Variants in NLRP3 observed in about 807,000 individuals in gnomAD.
NLRP3 encodes the protein NLR family pyrin domain containing 3, also known as NACHT, LRR and PYD domains-containing protein 3.
Under a neutral mutation model 91.3 loss-of-function variants are expected in NLRP3, and 48 were observed. The ratio of observed to expected loss-of-function variants is 0.53; its 90% CI spans 0.42 to 0.67. NLRP3 has a LOEUF of 0.67. Among genes scored for constraint, NLRP3 ranks in the 30% least tolerant of loss-of-function variants. NLRP3 has a pLI of 0.00. For synonymous variants in NLRP3, 561 were observed against 507.9 expected (o/e 1.10, Z -1.41); for missense variants, 982 against 1,276.9 (o/e 0.77, Z 3.52).
At chr1:247,447,873 C>T (rs1481724867) in intron 9 of NLRP3, among the ~76,000 whole-genome samples, 1 of 152,162 alleles carries the variant, frequency 6.6e-6, no homozygotes, top group African/African-American at 2.4e-5. Flanking sequence ...AACAAGTTGA[C>T]ATGACCTGTT....
intron 2 of NLRP3, among the ~76,000 whole-genome samples, chr1:247,421,879 G>A (rs1403057637): frequency 3.3e-5 from 5 of 152,146 alleles, no homozygotes; most frequent in Admixed American, 6.5e-5. Flanking sequence ...TCCTACCTGA[G>A]TCCCAGTTAC....
chr1:247,421,322 C>T (rs963096556), intron 2 of NLRP3, among the ~76,000 whole-genome samples: 4 of 151,936 alleles, frequency 2.6e-5, no homozygotes, highest in South Asian at 2.1e-4. Context: ...AGTGTGCAGC[C>T]GGGGGAGGTC....
intron 5 of NLRP3, among the ~76,000 whole-genome samples, chr1:247,430,910 G>C (rs1253300683): frequency 6.6e-6 from 1 of 151,920 alleles, no homozygotes; most frequent in Non-Finnish European, 1.5e-5. Context: ...TGGGACTACA[G>C]GCATGCACCA....
chr1:247,423,248 T>C lies in NLRP3; in HGVS notation c.296T>C (p.Val99Ala). Residue 99 changes from valine (V) to alanine (A), a missense_variant, in exon 3 of 10, where the codon GTT becomes GCT. This residue lies in a region of NLRP3 where 548 missense variants were observed against 713.7 expected (regional missense o/e 0.77). Coordinates refer to ENST00000336119, the MANE Select transcript of NLRP3 (RefSeq NM_001243133.2). ...CTTTTAGGTTCAGATAATGCACGTG[T>C]TTCGAATCCCACTGTGATATGCCAG... ...EPKWGSDNARVSNPTVICQED... is the reference protein window; with the variant it reads ...EPKWGSDNARASNPTVICQED... 1 of 1,614,120 alleles carries C rather than the reference T, an allele frequency of 6.2e-7. No individual in the cohort carries two copies. Among genetic ancestry groups the C allele is most frequent in the Non-Finnish European group, 8.5e-7 (1 of 1,180,014 alleles).
chr1:247,419,141 T>A, intron 2 of NLRP3, 64 bp downstream of exon 2: 32 of 1,224,398 alleles, frequency 2.6e-5, no homozygotes, highest in Non-Finnish European at 3.4e-5. Flanking sequence ...CAATTTTCCA[T>A]CTTTATATAT....
At chr1:247,445,286 C>T (rs372603648) in intron 9 of NLRP3, among the ~76,000 whole-genome samples, 170 of 152,162 alleles carry the variant, frequency 1.1e-3, no homozygotes, top group African/African-American at 3.8e-3. Context: ...CTGCAAGCTC[C>T]GCCTCCCGGG....
At chr1:247,430,793 G>T (rs1214022621) in intron 5 of NLRP3, among the ~76,000 whole-genome samples, 3 of 149,428 alleles carry the variant, frequency 2.0e-5, no homozygotes, top group South Asian at 4.2e-4. Context: ...TTTTCTTTGA[G>T]ACAGGACCTC....
chr1:247,422,558 T>A (rs1662540691), intron 2 of NLRP3, among the ~76,000 whole-genome samples: 2 of 152,154 alleles, frequency 1.3e-5, no homozygotes. Flanking sequence ...TCAACACAGA[T>A]GCATGTTGGA....
chr1:247,420,842 T>C (rs1375927344), intron 2 of NLRP3, among the ~76,000 whole-genome samples: 1 of 152,248 alleles, frequency 6.6e-6, no homozygotes, highest in Non-Finnish European at 1.5e-5. Context: ...TGATGCAGAC[T>C]GTACCTACCC....
intron 7 of NLRP3, among the ~76,000 whole-genome samples, chr1:247,440,724 G>T (rs1236589709): frequency 6.6e-6 from 1 of 152,064 alleles, no homozygotes; most frequent in African/African-American, 2.4e-5. Flanking sequence ...CAATCCTCCC[G>T]TCTCAGCCGC....
rs147946775 is a variant in NLRP3, at chr1:247,429,610, A to G, written c.2176A>G (p.Ser726Gly). 9.0e-4 allele frequency: 1,453 copies of G among 1,614,100 alleles called. 2 individuals carry two copies. The highest frequency in any genetic ancestry group is 1.1e-3 in the Non-Finnish European group (1,322 of 1,179,998). ...HGLVNSHLTS[S>G]FCRGLFSVLS... ...ATTGGTGAACAGCCACCTCACTTCC[A>G]GTTTTTGCCGGGGCCTCTTTTCAGT... The change falls in exon 5 of 10, where the codon AGT becomes GGT. Residue 726 changes from serine to glycine, a missense_variant. Physicochemically the swap from Ser to Gly is moderately conservative, Grantham distance 56. This residue lies in a region of NLRP3 where 373 missense variants were observed against 431.5 expected (regional missense o/e 0.86). Coordinates refer to ENST00000336119, the MANE Select transcript of NLRP3 (RefSeq NM_001243133.2).
intron 1 of NLRP3, among the ~76,000 whole-genome samples, chr1:247,417,240 T>C (rs1195027226): frequency 1.3e-5 from 2 of 152,190 alleles, no homozygotes; most frequent in Admixed American, 1.3e-4. Flanking sequence ...CCTGGCTCTG[T>C]TCCTTCCTGG....
At chr1:247,417,868 C>G (rs1662166890) in intron 1 of NLRP3, among the ~76,000 whole-genome samples, 185 bp from the exon 2 acceptor site, 1 of 152,176 alleles carries the variant, frequency 6.6e-6, no homozygotes, top group South Asian at 2.1e-4. Flanking sequence ...CCTCTGCAAG[C>G]TTTTATGTTC....
chr1:247,435,279 T>A (rs770062355), intron 6 of NLRP3, among the ~76,000 whole-genome samples: 2 of 152,132 alleles, frequency 1.3e-5, no homozygotes, highest in Non-Finnish European at 2.9e-5. Context: ...AACATGTTAT[T>A]TGTACATCTA....
rs547689900 is a variant in NLRP3, at chr1:247,431,212, A to AATAATAATAAT, written c.2321+1458_2321+1459insTAATAATAATA. On this transcript the variant is annotated intron_variant, in intron 5 of 9. Transcript: ENST00000336119. ...ATAATAATAATAATAATAATAATAA[A>AATAATAATAAT]AAATGTGCTTGCTTTCTCCCACACC... Among the ~76,000 whole-genome samples the AATAATAATAAT allele has an allele frequency of 3.0e-3, 445 of 150,522 alleles. 2 individuals carry two copies. Among genetic ancestry groups the AATAATAATAAT allele is most frequent in the African/African-American group, 0.011 (432 of 40,706 alleles).
chr1:247,429,657 A>T lies in NLRP3; in HGVS notation c.2223A>T (p.Leu741=), dbSNP rs897028974. 3.7e-6 allele frequency: 6 copies of T among 1,614,058 alleles called. No homozygotes were observed. The African/African-American group carries it at 8.0e-5, about 22-fold the overall frequency. ...CAGTTCTGAGCACCAGCCAGAGTCT[A>T]ACTGAATTGGACCTCAGTGACAATT... ...LFSVLSTSQS[L]TELDLSDNSL... Residue 741 remains leucine (L), a synonymous_variant, in exon 5 of 10, where the codon CTA becomes CTT. Transcript: ENST00000336119.
intron 5 of NLRP3, among the ~76,000 whole-genome samples, chr1:247,432,119 G>A (rs1053476086): frequency 6.6e-6 from 1 of 152,158 alleles, no homozygotes; most frequent in African/African-American, 2.4e-5. Context: ...TCCTGACCTC[G>A]TGATCCACCC....
chr1:247,431,212 A>AATAATAATAATAAT (rs547689900), intron 5 of NLRP3, among the ~76,000 whole-genome samples: 102 of 150,528 alleles, frequency 6.8e-4, no homozygotes, highest in African/African-American at 2.4e-3. Flanking sequence ...ATAATAATAA[A>AATAATAATAATAAT]AAATGTGCTT....
At chr1:247,446,526 T>C (rs182649969) in intron 9 of NLRP3, among the ~76,000 whole-genome samples, 36 of 152,318 alleles carry the variant, frequency 2.4e-4, no homozygotes, top group Middle Eastern at 3.4e-3. Context: ...GCAAGAACAC[T>C]GTCATCTCTG....
Sources: allele counts gnomAD v4.1 joint callset (sites outside exome capture counted in the v4.1 genomes callset), GRCh38; gene constraint gnomAD v4.1.1; regional missense constraint gnomAD v4.1.1; transcripts MANE v1.5; gene names NCBI Gene and HGNC (gene_info 2026-07-23, HGNC 2026-07-21).